The following CNIH3 variants were observed in gnomAD, a reference collection of about 807,000 sequenced individuals.
CNIH3 encodes the protein cornichon family AMPA receptor auxiliary protein 3, also known as protein cornichon homolog 3.
In CNIH3, 14 loss-of-function variants were observed where a neutral mutation model predicts 24.1. The observed-to-expected ratio is 0.58, with a 90% confidence interval of 0.38 to 0.91. The LOEUF is 0.91. Ranked by LOEUF, CNIH3 falls within the 40% of genes least tolerant of loss-of-function variation. CNIH3 has a pLI of 0.00. For missense variants in CNIH3, 178 were observed against 196.8 expected (o/e 0.90, Z 0.57); for synonymous variants, 68 against 73.8 (o/e 0.92, Z 0.40).
chr1:224,478,179 T>G (rs1450802512), intron 1 of CNIH3, among the ~76,000 whole-genome samples: 4 of 152,214 alleles, frequency 2.6e-5, no homozygotes, highest in Non-Finnish European at 5.9e-5. Context: ...ACAACCTTTT[T>G]GTACTTGAAT....
intron 4 of CNIH3, among the ~76,000 whole-genome samples, chr1:224,731,215 C>T (rs987930103): frequency 1.3e-5 from 2 of 152,046 alleles, no homozygotes; most frequent in Non-Finnish European, 2.9e-5. Flanking sequence ...ATACTAAAAA[C>T]CACTGAATTG....
At chr1:224,541,058 C>T (rs1679493494), downstream of CNIH3, among the ~76,000 whole-genome samples, 1 of 152,012 alleles carries the variant, frequency 6.6e-6, no homozygotes. Flanking sequence ...GATGTATTTA[C>T]AAGAAAAAAT....
intron 4 of CNIH3, among the ~76,000 whole-genome samples, chr1:224,572,734 A>G (rs989171520): frequency 6.6e-6 from 1 of 152,070 alleles, no homozygotes; most frequent in Non-Finnish European, 1.5e-5. Flanking sequence ...TCATCTTAAC[A>G]ATGTTAAGTC....
At chr1:224,471,621 C>T (rs1049924229) in intron 1 of CNIH3, among the ~76,000 whole-genome samples, 8 of 146,286 alleles carry the variant, frequency 5.5e-5, no homozygotes, top group Admixed American at 1.4e-4. Flanking sequence ...GATGGAGTCT[C>T]GCTCTGTCAC....
intron 2 of CNIH3, among the ~76,000 whole-genome samples, chr1:224,534,298 A>T (rs893091094): frequency 2.6e-5 from 4 of 152,202 alleles, no homozygotes; most frequent in Non-Finnish European, 5.9e-5. Flanking sequence ...GGATATGAAG[A>T]GTGTAAATGT....
intron 1 of CNIH3, among the ~76,000 whole-genome samples, chr1:224,498,320 T>C (rs1572363517): frequency 6.6e-6 from 1 of 152,278 alleles, no homozygotes; most frequent in East Asian, 1.9e-4. Flanking sequence ...GGGGTGTCAT[T>C]AGCAACACTA....
At chr1:224,597,987 CTGAT>C (rs1299126886) in intron 3 of CNIH3, among the ~76,000 whole-genome samples, 2 of 152,148 alleles carry the variant, frequency 1.3e-5, no homozygotes, top group Non-Finnish European at 2.9e-5. Context: ...CACGGCAGAA[CTGAT>C]TGTTTGCTTG....
chr1:224,589,845 T>C (rs1681675089), downstream of CNIH3, among the ~76,000 whole-genome samples: 1 of 152,054 alleles, frequency 6.6e-6, no homozygotes, highest in African/African-American at 2.4e-5. Flanking sequence ...ACTGTTTTGC[T>C]TGGAAGTTTG....
At chr1:224,709,545 C>T (rs1297666109) in intron 3 of CNIH3, among the ~76,000 whole-genome samples, 2 of 152,164 alleles carry the variant, frequency 1.3e-5, no homozygotes, top group African/African-American at 2.4e-5. Flanking sequence ...GGTGGGCTGG[C>T]TTCAGGCTTG....
chr1:224,466,877 G>A (rs185507209), intron 1 of CNIH3, among the ~76,000 whole-genome samples: 93 of 152,252 alleles, frequency 6.1e-4, no homozygotes, highest in African/African-American at 2.2e-3. Context: ...CTTGTTACCT[G>A]TATCTACTCC....
At chr1:224,500,044 C>T (rs374672472) in intron 1 of CNIH3, among the ~76,000 whole-genome samples, 7 of 152,142 alleles carry the variant, frequency 4.6e-5, no homozygotes, top group Middle Eastern at 3.4e-3. Flanking sequence ...TACTGTGTCT[C>T]CTAGGCTGAA....
Position 224,616,636 on chromosome 1 carries a change from C to T in CNIH3, c.-539C>T, listed in dbSNP as rs1178005339. ...CCTTCTCTCGGGAAAGAGCGCTGCC[C>T]GGCTCTGGGATTTGGGAGGAGCTCG... On this transcript the variant is annotated 5_prime_UTR_variant, in exon 1 of 6. Coordinates refer to ENST00000272133, the MANE Select transcript of CNIH3 (RefSeq NM_152495.2). 5.1e-6 allele frequency: 5 copies of T among 987,564 alleles called. No homozygotes were observed. The highest frequency in any genetic ancestry group is 4.7e-5 in the South Asian group (1 of 21,456). 61.2% of individuals were successfully genotyped at this position (987,564 alleles called of 1,614,324 possible). A position where few individuals can be genotyped will look rare whatever the true frequency, so the allele number is the denominator to read the frequency against.
At chr1:224,706,710 C>CAG (rs1250133025) in intron 3 of CNIH3, among the ~76,000 whole-genome samples, 3 of 152,086 alleles carry the variant, frequency 2.0e-5, no homozygotes, top group East Asian at 1.9e-4. Flanking sequence ...AACAAAAGTG[C>CAG]AGAGAGAGAG....
intron 1 of CNIH3, among the ~76,000 whole-genome samples, chr1:224,630,516 A>C (rs1284690118): frequency 6.6e-6 from 1 of 152,156 alleles, no homozygotes; most frequent in Non-Finnish European, 1.5e-5. Flanking sequence ...CACAATTACC[A>C]CCGCAACAAA....
upstream of CNIH3, among the ~76,000 whole-genome samples, chr1:224,512,177 A>C (rs1218090658): frequency 1.0e-5 from 1 of 98,392 alleles, no homozygotes; most frequent in African/African-American, 3.6e-5. Context: ...CACCGTCTCA[A>C]AAAAAAAAAA....
chr1:224,589,754 A>G (rs916904694), downstream of CNIH3, among the ~76,000 whole-genome samples: 1 of 152,132 alleles, frequency 6.6e-6, no homozygotes, highest in Non-Finnish European at 1.5e-5. Context: ...GCAGCATGGG[A>G]TTGAGAAAGG....
intron 3 of CNIH3, among the ~76,000 whole-genome samples, chr1:224,699,599 C>G (rs1337902431): frequency 6.6e-6 from 1 of 152,196 alleles, no homozygotes; most frequent in African/African-American, 2.4e-5. Context: ...ATTTCCTCTT[C>G]TTTAAGGACA....
At chr1:224,573,049 A>G (rs1168879680) in intron 4 of CNIH3, among the ~76,000 whole-genome samples, 1 of 152,214 alleles carries the variant, frequency 6.6e-6, no homozygotes, top group Middle Eastern at 3.2e-3. Context: ...AAAATTGTTG[A>G]CATACAATTA....
At chr1:224,698,362 A>G (rs1180036693) in intron 3 of CNIH3, among the ~76,000 whole-genome samples, 2 of 152,250 alleles carry the variant, frequency 1.3e-5, no homozygotes, top group Non-Finnish European at 2.9e-5. Flanking sequence ...TAGGCGGGGA[A>G]CACGCAGCAA....
Sources: gnomAD v4.1 joint callset for allele counts (sites outside exome capture counted in the v4.1 genomes callset) on GRCh38, gnomAD v4.1.1 for gene constraint, MANE v1.5 for transcripts, NCBI Gene and HGNC (gene_info 2026-07-23, HGNC 2026-07-21) for gene names.